Variants in TLR3 observed in about 807,000 individuals in gnomAD.
The protein encoded by TLR3 is toll like receptor 3.
TLR3 carries 43 observed loss-of-function variants against 66.4 expected under a neutral mutation model. That is an observed-to-expected ratio of 0.65 (90% CI 0.51 to 0.83). The LOEUF (loss-of-function observed/expected upper bound fraction) is 0.83. TLR3 is among the 40% of genes least tolerant of loss of function. The probability of loss-of-function intolerance (pLI) is 0.00; values close to 1 mark genes in which losing one functional copy is unlikely to be tolerated. For missense variants in TLR3, 982 were observed against 1,044.6 expected (o/e 0.94, Z 0.83); for synonymous variants, 397 against 397.2 (o/e 1.00, Z 0.01).
At chr4:186,074,563 T>G (rs2150065803) in intron 1 of TLR3, among the ~76,000 whole-genome samples, 1 of 152,320 alleles carries the variant, frequency 6.6e-6, no homozygotes, top group Non-Finnish European at 1.5e-5. Context: ...TGTGCACCAC[T>G]GCAGACTTTA....
Position 186,078,984 on chromosome 4 carries a change from A to G in TLR3, c.586A>G (p.Asn196Asp). 1 of 1,613,940 alleles carries G rather than the reference A, an allele frequency of 6.2e-7. No individual in the cohort carries two copies. Among genetic ancestry groups the G allele is most frequent in the South Asian group, 1.1e-5 (1 of 90,982 alleles). ...LKSEELDIFA[N>D]SSLKKLELSS... is the part of the protein sequence containing the mutation. ...AAGTGAAGAACTGGATATCTTTGCC[A>G]ATTCATCTTTAAAAAAATTAGAGTT... The change falls in exon 3 of 5, where the codon AAT becomes GAT. Residue 196 changes from asparagine to aspartate, a missense_variant. By Grantham distance (23) the Asn-to-Asp change is conservative (BLOSUM62 1). This residue lies in a region of TLR3 where 313 missense variants were observed against 319.0 expected (regional missense o/e 0.98). Transcript: ENST00000296795.
Position 186,077,043 on chromosome 4 carries a change from C to A in TLR3, c.424C>A (p.Pro142Thr), listed in dbSNP as rs1229034193. The stretch of plus-strand genomic sequence containing the variant: ...CTCAATCCAGAAAATTAAAAATAAT[C>A]CCTTTGTCAAGCAGAAGGTAAGTTG... ...SNSIQKIKNN[P>T]FVKQKNLITL... is the part of the protein sequence containing the mutation. The change falls in exon 2 of 5, where the codon CCC (proline) becomes ACC (threonine). Residue 142 changes from proline to threonine, a missense_variant. By Grantham distance (38) the Pro-to-Thr change is conservative. This residue lies in a region of TLR3 where 313 missense variants were observed against 319.0 expected (regional missense o/e 0.98). Transcript: ENST00000296795. The A allele has an allele frequency of 4.3e-6, 7 of 1,613,792 alleles. No homozygotes were observed. The highest frequency in any genetic ancestry group is 5.1e-6 in the Non-Finnish European group (6 of 1,179,962).
chr4:186,083,825 G>A lies in TLR3; in HGVS notation c.2139G>A (p.Leu713=), dbSNP rs771535253. 1 of 1,613,984 alleles carries A rather than the reference G, an allele frequency of 6.2e-7. No homozygotes were observed. Among genetic ancestry groups the A allele is most frequent in the South Asian group, 1.1e-5 (1 of 91,020 alleles). Residue 713 remains leucine (L), a synonymous_variant, in exon 4 of 5, where the codon CTG becomes CTA. Transcript: ENST00000296795. The surrounding 1 kb of genome is among the most constrained non-coding windows in gnomAD (Gnocchi z 4.0). ...TTTTCATGATCAATACCAGTATCCT[G>A]TTGATTTTTATCTTTATTGTACTTC... ...ELFFMINTSI[L]LIFIFIVLLI... is the part of the protein sequence containing the mutation.
At chr4:186,082,177 A>G in intron 3 of TLR3, 143 bp from the exon 4 acceptor site, 3 of 744,476 alleles carry the variant, frequency 4.0e-6, no homozygotes, top group Admixed American at 6.6e-5. Context: ...GTGAGCTGAG[A>G]TTGCACTGCT....
rs190200986 is a variant in TLR3, at chr4:186,087,962, C to T, written c.*3089C>T. 6.6e-5 allele frequency: 10 copies of T among 152,242 alleles called. No individual in the cohort carries two copies. Among genetic ancestry groups the T allele is most frequent in the African/African-American group, 2.4e-4 (10 of 41,536 alleles). The allele number at this position is 152,242 out of a possible 1,614,324, so 9.4% of individuals were successfully genotyped here. A position where few individuals can be genotyped will look rare whatever the true frequency, so the allele number is the denominator to read the frequency against. On this transcript the variant is annotated 3_prime_UTR_variant, in exon 5 of 5. Coordinates refer to ENST00000296795, the MANE Select transcript of TLR3 (RefSeq NM_003265.3). Reference sequence around the variant, plus strand: ...TTGGGTTATGGTAATAATTGTACAACTATGTAAATTTACTGAAAGTCATTG... The same window carrying T: ...TTGGGTTATGGTAATAATTGTACAATTATGTAAATTTACTGAAAGTCATTG...
intron 1 of TLR3, among the ~76,000 whole-genome samples, chr4:186,071,808 GT>G (rs1356270137): frequency 1.3e-5 from 2 of 152,138 alleles, no homozygotes; most frequent in Non-Finnish European, 2.9e-5. Context: ...GTCACCTAAG[GT>G]GATTTTATTA....
In TLR3 at chr4:186,087,489, T is replaced by G. The variant is rs1163650024; in HGVS notation, c.*2616T>G. The G allele has an allele frequency of 2.0e-5, 3 of 152,222 alleles. No individual in the cohort carries two copies. Among genetic ancestry groups the G allele is most frequent in the Non-Finnish European group, 4.4e-5 (3 of 68,058 alleles). 9.4% of individuals were successfully genotyped at this position (152,222 alleles called of 1,614,324 possible). A position where few individuals can be genotyped will look rare whatever the true frequency, so the allele number is the denominator to read the frequency against. The stretch of plus-strand genomic sequence containing the variant: ...ATTTGCCCAAGTGACTTGACTTGTT[T>G]GAATCCTCTCAGGGTGCCATCATGT... On this transcript the variant is annotated 3_prime_UTR_variant, in exon 5 of 5. Transcript: ENST00000296795.
chr4:186,083,238 A>G lies in TLR3; in HGVS notation c.1552A>G (p.Ile518Val), dbSNP rs932524368. The G allele has an allele frequency of 6.2e-7, 1 of 1,614,178 alleles. No individual in the cohort carries two copies. Among genetic ancestry groups the G allele is most frequent in the Non-Finnish European group, 8.5e-7 (1 of 1,180,024 alleles). ...CATTCTGGATCTAAGCAACAACAAC[A>G]TAGCCAACATAAATGATGACATGTT... ...LTILDLSNNN[I>V]ANINDDMLEG... The change falls in exon 4 of 5, where the codon ATA becomes GTA. Residue 518 changes from isoleucine to valine, a missense_variant. Ile to Val is a conservative substitution (Grantham distance 29). Transcript: ENST00000296795. The surrounding 1 kb of genome is among the most constrained non-coding windows in gnomAD (Gnocchi z 4.0).
intron 1 of TLR3, among the ~76,000 whole-genome samples, chr4:186,074,295 G>T (rs547907110): frequency 6.6e-6 from 1 of 152,360 alleles, no homozygotes; most frequent in South Asian, 2.1e-4. Context: ...ACAGAACTAG[G>T]TAGTACAGCC....
intron 1 of TLR3, among the ~76,000 whole-genome samples, chr4:186,072,992 G>A (rs1014719450): frequency 6.6e-6 from 1 of 152,088 alleles, no homozygotes; most frequent in Non-Finnish European, 1.5e-5. Context: ...ATCAACCATA[G>A]CAACGGAAAA....
Position 186,083,263 on chromosome 4 carries a change from T to C in TLR3, c.1577T>C (p.Leu526Ser), listed in dbSNP as rs1421482576. Reference sequence around the variant, plus strand: ...ATAGCCAACATAAATGATGACATGTTGGAGGGTCTTGAGAAACTAGAAATT... The same window carrying C: ...ATAGCCAACATAAATGATGACATGTCGGAGGGTCTTGAGAAACTAGAAATT... ...NNIANINDDM[L>S]EGLEKLEILD... Residue 526 changes from leucine to serine, a missense_variant, in exon 4 of 5, where the codon TTG becomes TCG. By Grantham distance (145) the Leu-to-Ser change is moderately radical. Transcript: ENST00000296795. This position sits in a 1 kb window ranked among gnomAD's most constrained non-coding sequence, Gnocchi z 4.0. The C allele has an allele frequency of 6.2e-7, 1 of 1,614,074 alleles. No individual in the cohort carries two copies. Among genetic ancestry groups the C allele is most frequent in the Non-Finnish European group, 8.5e-7 (1 of 1,180,036 alleles).
intron 3 of TLR3, chr4:186,081,816 G>C (rs913605769): frequency 1.3e-5 from 2 of 159,152 alleles, no homozygotes; most frequent in African/African-American, 4.8e-5. Context: ...GAGGTCAGAG[G>C]CTGGAGTAAG....
intron 1 of TLR3, among the ~76,000 whole-genome samples, chr4:186,075,873 TG>T (rs2099302353): frequency 1.3e-5 from 2 of 151,954 alleles, no homozygotes; most frequent in South Asian, 4.2e-4. Context: ...AAAAATTAAC[TG>T]GCTGGGCACG....
chr4:186,083,555 A>G lies in TLR3; in HGVS notation c.1869A>G (p.Thr623=). ...TGAACCTTCAGAAGAATCTCATAAC[A>G]TCCGTTGAGAAGAAGGTTTTCGGGC... ...KSLNLQKNLI[T]SVEKKVFGPA... The change falls in exon 4 of 5, where the codon ACA becomes ACG. Residue 623 remains threonine, a synonymous_variant. Coordinates refer to ENST00000296795, the MANE Select transcript of TLR3 (RefSeq NM_003265.3). This position sits in a 1 kb window ranked among gnomAD's most constrained non-coding sequence, Gnocchi z 4.0. 1.2e-6 allele frequency: 2 copies of G among 1,613,180 alleles called. No individual in the cohort carries two copies. The highest frequency in any genetic ancestry group is 1.7e-6 in the Non-Finnish European group (2 of 1,179,682).
rs1402200875 is a variant in TLR3 at position 186,085,796 on chromosome 4, AT to A, written c.*924del. ...GAATGTATTATTTTACCATAAAATA[AT>A]GTGCTACGCATAAGGTAGTCCTTAT... is the stretch of plus-strand genomic sequence containing the variant. On this transcript the variant is annotated 3_prime_UTR_variant, in exon 5 of 5. Transcript: ENST00000296795. The A allele has an allele frequency of 4.6e-5, 7 of 152,364 alleles. No homozygotes were observed. Among genetic ancestry groups the A allele is most frequent in the African/African-American group, 1.7e-4 (7 of 41,600 alleles). 9.4% of individuals were successfully genotyped at this position (152,364 alleles called of 1,614,324 possible).
chr4:186,081,073 T>A (rs552518620), intron 3 of TLR3, among the ~76,000 whole-genome samples: 1 of 152,300 alleles, frequency 6.6e-6, no homozygotes, highest in African/African-American at 2.4e-5. Flanking sequence ...GCATTAAAAT[T>A]AAGCTTTGGA....
intron 3 of TLR3, among the ~76,000 whole-genome samples, chr4:186,079,528 G>C (rs1020925665): frequency 6.6e-6 from 1 of 152,176 alleles, no homozygotes; most frequent in African/African-American, 2.4e-5. Flanking sequence ...TCATAGGACT[G>C]TGTGGTAAAG....
chr4:186,082,214 G>C (rs1326466929), intron 3 of TLR3, 106 bp from the exon 4 acceptor site: 1 of 822,454 alleles, frequency 1.2e-6, no homozygotes, highest in African/African-American at 2.6e-5. Flanking sequence ...GACAGAGCGA[G>C]ACTCCGTCTC....
In TLR3 at chr4:186,084,893, T is replaced by G; in HGVS notation, c.*20T>G. 1 of 1,579,146 alleles carries G rather than the reference T, an allele frequency of 6.3e-7. No individual in the cohort carries two copies. Among genetic ancestry groups the G allele is most frequent in the East Asian group, 2.3e-5 (1 of 44,426 alleles). On this transcript the variant is annotated 3_prime_UTR_variant, in exon 5 of 5. Coordinates refer to ENST00000296795, the MANE Select transcript of TLR3 (RefSeq NM_003265.3). ...CATTAAATTTATTTAAATATTCAAT[T>G]AGCAAAGGAGAAACTTTCTCAATTT...
Sources: gnomAD v4.1 joint callset for allele counts (sites outside exome capture counted in the v4.1 genomes callset) on GRCh38, gnomAD v4.1.1 for gene constraint, gnomAD v4.1.1 regional missense constraint, Gnocchi (gnomAD v3.1) non-coding constraint, MANE v1.5 for transcripts, NCBI Gene and HGNC (gene_info 2026-07-23, HGNC 2026-07-21) for gene names.